Variants in DCLRE1C observed in about 807,000 individuals in gnomAD.
DCLRE1C encodes the protein protein artemis.
A neutral mutation model predicts 61.4 loss-of-function variants in DCLRE1C; 47 were observed. That is an observed-to-expected ratio of 0.77 (90% CI 0.61 to 0.98). The LOEUF (loss-of-function observed/expected upper bound fraction) is 0.98. DCLRE1C is among the 50% of genes least tolerant of loss of function. The pLI, the probability that DCLRE1C is intolerant of heterozygous loss-of-function variation, is 0.00. For missense variants in DCLRE1C, 858 were observed against 816.0 expected (o/e 1.05, Z -0.63); for synonymous variants, 337 against 287.6 (o/e 1.17, Z -1.74).
chr10:14,943,580 TCTCG>T (rs1172057321), intron 3 of DCLRE1C, among the ~76,000 whole-genome samples: 1 of 152,088 alleles, frequency 6.6e-6, no homozygotes, highest in Non-Finnish European at 1.5e-5. Context: ...GAAGATGGAG[TCTCG>T]CTCTGTCACC....
exon 14 of DCLRE1C, chr10:14,897,895 C>G (rs1833699017): frequency 6.5e-6 from 1 of 154,876 alleles, no homozygotes; most frequent in South Asian, 2.1e-4. Flanking sequence ...ATCTATTTGA[C>G]CAAATATGAT....
intron 4 of DCLRE1C, among the ~76,000 whole-genome samples, chr10:14,937,122 A>G (rs1472309831): frequency 3.3e-5 from 5 of 152,148 alleles, no homozygotes; most frequent in African/African-American, 9.7e-5. Flanking sequence ...AGAGAGTCCA[A>G]TACAGTAGTG....
At chr10:14,902,647 C>G, downstream of DCLRE1C, 1 of 600,072 alleles carries the variant, frequency 1.7e-6, no homozygotes, top group Non-Finnish European at 2.8e-6. Flanking sequence ...AAGACATTTG[C>G]CAAATGTATT....
At chr10:14,935,032 C>G (rs1391619321) in intron 6 of DCLRE1C, among the ~76,000 whole-genome samples, 1 of 151,812 alleles carries the variant, frequency 6.6e-6, no homozygotes, top group Admixed American at 6.6e-5. Context: ...CCATGTTGAC[C>G]AGGCTGGTCT....
At chr10:14,923,936 C>A (rs1447975666) in intron 11 of DCLRE1C, among the ~76,000 whole-genome samples, 1 of 152,198 alleles carries the variant, frequency 6.6e-6, no homozygotes. Flanking sequence ...CTCCAGTGAC[C>A]AGTGTGTCTC....
chr10:14,954,112 A>G, upstream of DCLRE1C: 5 of 1,582,528 alleles, frequency 3.2e-6, no homozygotes, highest in South Asian at 5.6e-5. Context: ...CTGCCTCGCC[A>G]TTGGGCGGCC....
At position 14,936,551 on chromosome 10, in the gene DCLRE1C, G is replaced by C; in HGVS notation, c.349C>G (p.Pro117Ala). Residue 117 changes from proline to alanine, a missense_variant, in exon 5 of 14, where the codon CCG (proline) becomes GCG (alanine). Around this residue, in one of 2 missense-constraint regions of DCLRE1C, gnomAD observed 843 missense variants for 783.5 expected, o/e 1.08. Transcript: ENST00000378278. ...VVTLLPAGHC[P>A]GSVMFLFQGN... is the part of the protein sequence containing the mutation. Reference sequence around the variant, plus strand: ...TGACCCCCTTACATAACTGATCCCGGACAGTGACCAGCTGGTAAGAGAGTC... The same window carrying C: ...TGACCCCCTTACATAACTGATCCCGCACAGTGACCAGCTGGTAAGAGAGTC... The C allele has an allele frequency of 6.2e-7, 1 of 1,612,670 alleles. No homozygotes were observed. The highest frequency in any genetic ancestry group is 1.3e-5 in the African/African-American group (1 of 74,916).
rs902036213 is a variant in DCLRE1C at position 14,927,576 on chromosome 10, G to T, written c.917+440C>A. Among the ~76,000 whole-genome samples the T allele has an allele frequency of 8.2e-5, 12 of 145,742 alleles. 1 individual carries two copies. Among genetic ancestry groups the T allele is most frequent in the Admixed American group, 6.8e-5 (1 of 14,650 alleles). ...CACTCAGATGGGAGGGAGGGAGTGG[G>T]GGGGGAGAAAGGAGAGGGAGGGAAG... On this transcript the variant is annotated intron_variant, in intron 10 of 13. Transcript: ENST00000378278.
At chr10:14,921,778 A>T (rs1384346301) in intron 12 of DCLRE1C, among the ~76,000 whole-genome samples, 2 of 152,080 alleles carry the variant, frequency 1.3e-5, no homozygotes, top group Non-Finnish European at 2.9e-5. Flanking sequence ...TCTACCTTGA[A>T]TGTGCTGCCC....
At chr10:14,945,637 A>G (rs927765284) in intron 2 of DCLRE1C, 8 of 685,376 alleles carry the variant, frequency 1.2e-5, no homozygotes, top group Middle Eastern at 7.6e-4. Context: ...TCTGCTTTTT[A>G]CTGTATAAGT....
At position 14,935,595 on chromosome 10, in the gene DCLRE1C, G is replaced by A. The variant is rs754276812; in HGVS notation, c.363-31C>T. On this transcript the variant is annotated intron_variant, in intron 5 of 13. Transcript: ENST00000378278. The stretch of plus-strand genomic sequence containing the variant: ...AAAGAAATATATCCCAGTGACTTCT[G>A]AGTCTCATATAAACTCCCAATAAAG... 5 of 1,601,426 alleles carry A rather than the reference G, an allele frequency of 3.1e-6. No homozygotes were observed. The Admixed American group carries it at 8.3e-5, about 27-fold the overall frequency.
In DCLRE1C at chr10:14,907,827, C is replaced by A. The variant is rs549022210; in HGVS notation, c.*581G>T. The A allele has an allele frequency of 6.8e-6, 1 of 147,988 alleles. No homozygotes were observed. The highest frequency in any genetic ancestry group is 6.8e-5 in the Admixed American group (1 of 14,808). 9.2% of individuals were successfully genotyped at this position (147,988 alleles called of 1,614,324 possible). ...TTTACATTTAATGTAATCATTGATA[C>A]GTATGGGTTTAGTTCTACCATTTTT... On this transcript the variant is annotated 3_prime_UTR_variant, in exon 14 of 14. Transcript: ENST00000378278.
At chr10:14,919,883 G>A (rs558718549) in intron 12 of DCLRE1C, 51 bp from the exon 13 acceptor site, 286 of 1,425,030 alleles carry the variant, frequency 2.0e-4, no homozygotes, top group Non-Finnish European at 2.2e-4. Flanking sequence ...GTTGTTAGAA[G>A]GTAGACATCA....
At chr10:14,948,524 A>G (rs1842009994) in intron 2 of DCLRE1C, among the ~76,000 whole-genome samples, 1 of 152,176 alleles carries the variant, frequency 6.6e-6, no homozygotes, top group Admixed American at 6.5e-5. Context: ...TGCTGTACCT[A>G]GCAGCATAGA....
At chr10:14,923,344 G>T in intron 11 of DCLRE1C, 1 of 399,194 alleles carries the variant, frequency 2.5e-6, no homozygotes, top group Non-Finnish European at 4.6e-6. Context: ...AGTAAGAGCT[G>T]AGAATCACCA....
intron 4 of DCLRE1C, among the ~76,000 whole-genome samples, chr10:14,939,541 G>C (rs1345573284): frequency 6.6e-6 from 1 of 151,960 alleles, no homozygotes; most frequent in Non-Finnish European, 1.5e-5. Context: ...TAAGCAACAA[G>C]TGTCTATTGT....
At position 14,907,857 on chromosome 10, in the gene DCLRE1C, C is replaced by CTTTTTTTTTTTTTTT. The variant is rs60410513; in HGVS notation, c.*536_*550dup. On this transcript the variant is annotated 3_prime_UTR_variant, in exon 14 of 14. Coordinates refer to ENST00000378278, the MANE Select transcript of DCLRE1C (RefSeq NM_001033855.3). ...GGGTTTAGTTCTACCATTTTTTTTTCTTTTTTTTTTTTTTTTTTTTTGAGA... is the reference window on the plus strand; with the variant it reads ...GGGTTTAGTTCTACCATTTTTTTTTCTTTTTTTTTTTTTTTTTTTTTTTTTTTTTTTTTTTTGAGA... The CTTTTTTTTTTTTTTT allele has an allele frequency of 1.5e-4, 11 of 71,944 alleles. No individual in the cohort carries two copies. The highest frequency in any genetic ancestry group is 4.9e-4 in the African/African-American group (9 of 18,238). The allele number at this position is 71,944 out of a possible 1,614,324, so 4.5% of individuals were successfully genotyped here.
In DCLRE1C at chr10:14,916,568, A is replaced by G. The variant is rs140886579; in HGVS notation, c.1156+3170T>C. Among the ~76,000 whole-genome samples, 6 of 152,324 alleles carry G rather than the reference A, an allele frequency of 3.9e-5. No homozygotes were observed. The East Asian group carries it at 1.2e-3, about 29-fold the overall frequency. On this transcript the variant is annotated intron_variant, in intron 13 of 13. Transcript: ENST00000378278. The stretch of plus-strand genomic sequence containing the variant: ...AATTCAAAGAAGTCCAAAATCCAAA[A>G]CACTTCTGCTCCCAAGCATTTTGAA...
At chr10:14,951,053 G>C (rs1162015463) in intron 1 of DCLRE1C, among the ~76,000 whole-genome samples, 1 of 152,082 alleles carries the variant, frequency 6.6e-6, no homozygotes, top group Non-Finnish European at 1.5e-5. Context: ...TAAGCATCAG[G>C]TGGGTCCATA....
Sources: gnomAD v4.1 joint callset for allele counts (sites outside exome capture counted in the v4.1 genomes callset) on GRCh38, gnomAD v4.1.1 for gene constraint, gnomAD v4.1.1 regional missense constraint, MANE v1.5 for transcripts, NCBI Gene and HGNC (gene_info 2026-07-23, HGNC 2026-07-21) for gene names.